The following REPS1 variants were observed in gnomAD, a reference collection of about 807,000 sequenced individuals.
The protein encoded by REPS1 is ralBP1-associated Eps domain-containing protein 1.
A neutral mutation model predicts 100.9 loss-of-function variants in REPS1; 39 were observed. The observed-to-expected ratio is 0.39, with a 90% confidence interval of 0.30 to 0.50. The LOEUF (loss-of-function observed/expected upper bound fraction) is 0.50. Ranked by LOEUF, REPS1 falls within the 20% of genes least tolerant of loss-of-function variation. The pLI, the probability that REPS1 is intolerant of heterozygous loss-of-function variation, is 0.86. For synonymous variants in REPS1, 324 were observed against 340.3 expected (o/e 0.95, Z 0.53); for missense variants, 821 against 968.5 (o/e 0.85, Z 2.02).
At chr6:138,932,147 T>C (rs1427981206) in intron 8 of REPS1, among the ~76,000 whole-genome samples, 3 of 152,126 alleles carry the variant, frequency 2.0e-5, no homozygotes. Context: ...TGGGACAGAT[T>C]CTGGGAATAT....
rs780011651 is a variant in REPS1, at chr6:138,911,280, T to C, written c.2063A>G (p.Asn688Ser). The change falls in exon 17 of 20, where the codon AAT becomes AGT. Residue 688 changes from asparagine to serine, a missense_variant. Physicochemically the swap from Asn to Ser is conservative, Grantham distance 46 (BLOSUM62 1). This residue lies in a region of REPS1 where 757 missense variants were observed against 866.4 expected (regional missense o/e 0.87). Transcript: ENST00000450536. Reference protein sequence around the residue: ...EEKTAASAPANVSKGTTPLAP... With the variant: ...EEKTAASAPASVSKGTTPLAP... ...TATAAAAGACATTTTGCATACCACA[T>C]TGGCAGGAGCACTAGCAGCTGTCTT... The C allele has an allele frequency of 1.3e-6, 2 of 1,596,650 alleles. No individual in the cohort carries two copies. The highest frequency in any genetic ancestry group is 4.5e-5 in the East Asian group (2 of 44,758).
intron 1 of REPS1, among the ~76,000 whole-genome samples, chr6:138,950,659 T>G (rs1263325040): frequency 6.6e-6 from 1 of 152,214 alleles, no homozygotes; most frequent in East Asian, 1.9e-4. Context: ...TTTATAATAT[T>G]TAAACATCTG....
Position 138,905,114 on chromosome 6 carries a change from T to C in REPS1, c.2341A>G (p.Ile781Val), listed in dbSNP as rs1008298009. The change falls in exon 20 of 20, where the codon ATT becomes GTT. Residue 781 changes from isoleucine (I) to valine (V), a missense_variant. Transcript: ENST00000450536. The stretch of plus-strand genomic sequence containing the variant: ...TGTTCCAGTTGAACTTCCAGGGAAA[T>C]TCTCTCCTCAAGAACATCCTGAAAA... ...QQLKDVLEER[I>V]SLEVQLEQLR... is the part of the protein sequence containing the mutation. 6 of 1,613,004 alleles carry C rather than the reference T, an allele frequency of 3.7e-6. No homozygotes were observed. In the Admixed American group the frequency reaches 6.7e-5, roughly 18 times the overall value.
intron 1 of REPS1, among the ~76,000 whole-genome samples, chr6:138,979,073 C>G (rs1255775616): frequency 1.3e-5 from 2 of 149,656 alleles, no homozygotes; most frequent in African/African-American, 2.5e-5. Context: ...CCCAGCAACT[C>G]TGATGGCTGA....
rs765870203 is a variant in REPS1, at chr6:138,916,012, C to G, written c.1602-36G>C. ...CACCCCATGATAATTGGTCATACTA[C>G]TGATATCAGAGCTTTTTTCTTTTTA... On this transcript the variant is annotated intron_variant, in intron 13 of 19. Coordinates refer to ENST00000450536, the MANE Select transcript of REPS1 (RefSeq NM_001286611.2). The G allele has an allele frequency of 5.8e-5, 83 of 1,431,828 alleles. 3 individuals carry two copies. In the South Asian group the frequency reaches 8.4e-4, roughly 15 times the overall value. 88.7% of individuals were successfully genotyped at this position (1,431,828 alleles called of 1,614,324 possible). A position where few individuals can be genotyped will look rare whatever the true frequency, so the allele number is the denominator to read the frequency against.
chr6:138,911,325 G>C lies in REPS1; in HGVS notation c.2018C>G (p.Thr673Arg), dbSNP rs764380206. 1 of 1,613,740 alleles carries C rather than the reference G, an allele frequency of 6.2e-7. No individual in the cohort carries two copies. The highest frequency in any genetic ancestry group is 8.5e-7 in the Non-Finnish European group (1 of 1,179,738). The change falls in exon 17 of 20, where the codon ACA becomes AGA. Residue 673 changes from threonine to arginine, a missense_variant. This residue lies in a region of REPS1 where 757 missense variants were observed against 866.4 expected (regional missense o/e 0.87). Transcript: ENST00000450536. ...DPASSLRVAK[T>R]DSKTEEKTAA... ...TGTCTTTTCTTCAGTTTTACTATCT[G>C]TTTTGGCAACTCGAAGAGAACTTGC...
chr6:138,987,844 C>T lies in REPS1; in HGVS notation c.-162G>A. 1.2e-6 allele frequency: 1 copy of T among 813,922 alleles called. No individual in the cohort carries two copies. The highest frequency in any genetic ancestry group is 5.5e-5 in the South Asian group (1 of 18,048). The allele number at this position is 813,922 out of a possible 1,614,324, so 50.4% of individuals were successfully genotyped here. A position where few individuals can be genotyped will look rare whatever the true frequency, so the allele number is the denominator to read the frequency against. On this transcript the variant is annotated 5_prime_UTR_variant, in exon 1 of 20. Transcript: ENST00000450536. ...CGCCAGGTGCGCCCGAGCAACAGGG[C>T]CCGGAGGTCGCGAGGAGGGGGCCCG...
chr6:138,974,683 A>C (rs1374107945), intron 1 of REPS1, among the ~76,000 whole-genome samples: 1 of 152,184 alleles, frequency 6.6e-6, no homozygotes, highest in Non-Finnish European at 1.5e-5. Context: ...CTGAGGTCTT[A>C]AGTGAAAACA....
At chr6:138,935,519 A>G (rs753531092) in intron 8 of REPS1, among the ~76,000 whole-genome samples, 1 of 152,188 alleles carries the variant, frequency 6.6e-6, no homozygotes, top group Non-Finnish European at 1.5e-5. Context: ...TTTGTCTTAA[A>G]AATCTACAGA....
chr6:138,911,439 G>A (rs377150354), intron 16 of REPS1, 68 bp from the exon 17 acceptor site: 4 of 1,000,324 alleles, frequency 4.0e-6, no homozygotes, highest in African/African-American at 1.6e-5. Flanking sequence ...TATAGAATAT[G>A]TACCAAATCA....
intron 16 of REPS1, among the ~76,000 whole-genome samples, chr6:138,912,358 A>C (rs1423640028): frequency 6.6e-6 from 1 of 152,216 alleles, no homozygotes; most frequent in African/African-American, 2.4e-5. Context: ...TTTTTAGTTA[A>C]AGTTGTAATT....
intron 10 of REPS1, among the ~76,000 whole-genome samples, chr6:138,922,986 A>T (rs17068090): frequency 2.0e-5 from 3 of 152,120 alleles, no homozygotes; most frequent in African/African-American, 7.2e-5. Flanking sequence ...ATACTAACAA[A>T]TTCATTCAAA....
chr6:138,987,656 C>T lies in REPS1; in HGVS notation c.27G>A (p.Ala9=), dbSNP rs941504193. Residue 9 remains alanine, a synonymous_variant, in exon 1 of 20, where the codon GCG becomes GCA. Coordinates refer to ENST00000450536, the MANE Select transcript of REPS1 (RefSeq NM_001286611.2). MEGLTLSD[A]EQKYYSDLFS... ...AGAGATCTGAATAGTATTTCTGCTC[C>T]GCATCGCTCAGCGTTAAGCCTTCCA... 7.7e-6 allele frequency: 12 copies of T among 1,549,020 alleles called. No homozygotes were observed. Among genetic ancestry groups the T allele is most frequent in the Non-Finnish European group, 1.0e-5 (12 of 1,146,142 alleles).
chr6:138,910,758 T>C (rs1314200760), intron 17 of REPS1, among the ~76,000 whole-genome samples: 1 of 152,162 alleles, frequency 6.6e-6, no homozygotes, highest in Non-Finnish European at 1.5e-5. Context: ...GATGAACAGA[T>C]GGCATGGAGA....
intron 8 of REPS1, 134 bp downstream of exon 8, chr6:138,941,201 G>T: frequency 1.0e-6 from 1 of 967,482 alleles, no homozygotes. Flanking sequence ...CTATTCTGAT[G>T]ACAAATCTAT....
At chr6:138,959,452 A>G (rs1270777257) in intron 1 of REPS1, among the ~76,000 whole-genome samples, 6 of 129,180 alleles carry the variant, frequency 4.6e-5, no homozygotes, top group Non-Finnish European at 9.4e-5. Context: ...CCTTTCCAAA[A>G]TGAAATTTTA....
intron 1 of REPS1, among the ~76,000 whole-genome samples, chr6:138,969,579 G>A (rs1301040481): frequency 4.0e-5 from 6 of 151,270 alleles, no homozygotes; most frequent in South Asian, 2.1e-4. Context: ...ATGAGCCACC[G>A]TACCCAGCAA....
intron 10 of REPS1, among the ~76,000 whole-genome samples, chr6:138,924,399 T>C (rs1323915266): frequency 6.6e-6 from 1 of 152,222 alleles, no homozygotes; most frequent in Non-Finnish European, 1.5e-5. Context: ...AATCTGAATA[T>C]TATTTCCAAG....
At position 138,939,410 on chromosome 6, in the gene REPS1, A is replaced by C. The variant is rs576265983; in HGVS notation, c.1135+1925T>G. On this transcript the variant is annotated intron_variant, in intron 8 of 19. Transcript: ENST00000450536. ...AACAGGTGTAAAATTAGACAAAAAG[A>C]TAAATGCCCAGAAAAAAATTTCTTC... Among the ~76,000 whole-genome samples the C allele has an allele frequency of 5.3e-5, 8 of 152,344 alleles. No individual in the cohort carries two copies. In the South Asian group the frequency reaches 8.3e-4, roughly 16 times the overall value.
Sources: allele counts gnomAD v4.1 joint callset (sites outside exome capture counted in the v4.1 genomes callset), GRCh38; gene constraint gnomAD v4.1.1; regional missense constraint gnomAD v4.1.1; transcripts MANE v1.5; gene names NCBI Gene and HGNC (gene_info 2026-07-23, HGNC 2026-07-21).